The following CARNS1 variants were observed in gnomAD, a reference collection of about 807,000 sequenced individuals.
CARNS1 encodes the protein carnosine synthase 1, also known as ATP-grasp domain containing 1.
In CARNS1, 61 loss-of-function variants were observed where a neutral mutation model predicts 74.0. That is an observed-to-expected ratio of 0.82 (90% CI 0.67 to 1.02). The LOEUF (loss-of-function observed/expected upper bound fraction) is 1.02, where lower values mean the gene tolerates loss of function less well. Ranked by LOEUF, CARNS1 falls within the 50% of genes least tolerant of loss-of-function variation. CARNS1 has a pLI of 0.00. For missense variants in CARNS1, 1,278 were observed against 1,308.4 expected, an observed-to-expected ratio of 0.98 and a Z score of 0.36; for synonymous variants, 568 against 605.5, an observed-to-expected ratio of 0.94 and a Z score of 0.91.
intron 3 of CARNS1, 100 bp from the exon 4 acceptor site, chr11:67,418,331 G>A: frequency 2.5e-6 from 2 of 815,332 alleles, no homozygotes; most frequent in Non-Finnish European, 3.6e-6. Context: ...GGAAAACTCT[G>A]GGGGCTCAGG....
chr11:67,416,343 C>T (rs1863544558), intron 2 of CARNS1, 141 bp downstream of exon 2: 1 of 1,474,158 alleles, frequency 6.8e-7, no homozygotes, highest in Admixed American at 2.2e-5. Context: ...AGCTCCCCCA[C>T]CCCCACCCTG....
At chr11:67,421,419 G>A (rs1863702865) in intron 9 of CARNS1, among the ~76,000 whole-genome samples, 200 bp downstream of exon 9, 1 of 152,220 alleles carries the variant, frequency 6.6e-6, no homozygotes, top group African/African-American at 2.4e-5. Flanking sequence ...GTGAGGGTGA[G>A]GGGACTCCGC....
chr11:67,422,393 G>C (rs1276996278), intron 9 of CARNS1, among the ~76,000 whole-genome samples: 1 of 151,406 alleles, frequency 6.6e-6, no homozygotes, highest in Non-Finnish European at 1.5e-5. Context: ...ATGTTGGCCA[G>C]GCTGGTCTCG....
At position 67,419,036 on chromosome 11, in the gene CARNS1, G is replaced by A; in HGVS notation, c.645G>A (p.Leu215=). The A allele has an allele frequency of 1.9e-6, 3 of 1,557,636 alleles. No homozygotes were observed. Among genetic ancestry groups the A allele is most frequent in the Non-Finnish European group, 2.6e-6 (3 of 1,151,880 alleles). ...ELARLLEDRL[L]TRQLLAQQGG... is the part of the protein sequence containing the mutation. ...CCCGGCTGCTGGAGGACCGGCTGCT[G>A]ACAAGGCAGTTGCTGGCCCAGCAGG... is the stretch of plus-strand genomic sequence containing the variant. Residue 215 remains leucine (L), a synonymous_variant, in exon 5 of 10, where the codon CTG becomes CTA. Transcript: ENST00000687366.
At chr11:67,422,627 A>C (rs1438013978) in intron 9 of CARNS1, among the ~76,000 whole-genome samples, 1 of 152,178 alleles carries the variant, frequency 6.6e-6, no homozygotes, top group Non-Finnish European at 1.5e-5. Context: ...GCGCACAGCC[A>C]ATTAGACATT....
Position 67,421,189 on chromosome 11 carries a change from G to A in CARNS1, c.1596G>A (p.Val532=). ...VGAGGVSKKF[V]WEAARDYGLQ... The stretch of plus-strand genomic sequence containing the variant: ...CTGGCGGCGTCAGCAAGAAGTTCGT[G>A]TGGGAGGCGGCGCGCGACTACGGGC... Residue 532 remains valine (V), a synonymous_variant, in exon 9 of 10, where the codon GTG becomes GTA. Transcript: ENST00000687366. 2 of 1,494,734 alleles carry A rather than the reference G, an allele frequency of 1.3e-6. No individual in the cohort carries two copies. Among genetic ancestry groups the A allele is most frequent in the South Asian group, 2.5e-5 (2 of 80,132 alleles). 92.6% of individuals were successfully genotyped at this position (1,494,734 alleles called of 1,614,324 possible). A position where few individuals can be genotyped will look rare whatever the true frequency, so the allele number is the denominator to read the frequency against.
At chr11:67,417,748 C>A in intron 3 of CARNS1, 71 bp downstream of exon 3, 2 of 1,115,358 alleles carry the variant, frequency 1.8e-6, no homozygotes, top group South Asian at 4.2e-5. Flanking sequence ...TCTGCTTGCT[C>A]ATCCCTGTCA....
At position 67,421,132 on chromosome 11, in the gene CARNS1, C is replaced by G. The variant is rs1332851618; in HGVS notation, c.1539C>G (p.Leu513=). The G allele has an allele frequency of 2.0e-6, 3 of 1,484,050 alleles. No homozygotes were observed. The highest frequency in any genetic ancestry group is 8.9e-7 in the Non-Finnish European group (1 of 1,124,332). 91.9% of individuals were successfully genotyped at this position (1,484,050 alleles called of 1,614,324 possible). A position where few individuals can be genotyped will look rare whatever the true frequency, so the allele number is the denominator to read the frequency against. Reference sequence around the variant, plus strand: ...TGCTTCGGCGGTCGGCGCGCTGCCTCATGGAGGGAAAACAGCTGCTGGTGG... The same window carrying G: ...TGCTTCGGCGGTCGGCGCGCTGCCTGATGGAGGGAAAACAGCTGCTGGTGG... ...ETMLRRSARC[L]MEGKQLLVVG... Residue 513 remains leucine (L), a synonymous_variant, in exon 9 of 10, where the codon CTC becomes CTG. Coordinates refer to ENST00000687366, the MANE Select transcript of CARNS1 (RefSeq NM_001166222.2).
At chr11:67,420,880 G>A (rs1863677841) in intron 8 of CARNS1, 40 bp downstream of exon 8, 4 of 1,305,942 alleles carry the variant, frequency 3.1e-6, no homozygotes, top group Middle Eastern at 3.0e-4. Flanking sequence ...GGAGCCGAGG[G>A]CCAGGGGCTG....
chr11:67,422,186 T>G lies in CARNS1; in HGVS notation c.1626+967T>G, dbSNP rs1186814283. ...CGCGCCCGGCCTTTTTTTTTTTTTT[T>G]TTTTTTTTTTTTTTTAATACGGAGT... On this transcript the variant is annotated intron_variant, in intron 9 of 9. Transcript: ENST00000687366. Among the ~76,000 whole-genome samples the G allele has an allele frequency of 1.1e-3, 143 of 130,640 alleles. 1 individual carries two copies. The highest frequency in any genetic ancestry group is 4.1e-3 in the African/African-American group (137 of 33,632). 85.7% of individuals were successfully genotyped at this position (130,640 alleles called of 152,430 possible).
chr11:67,420,554 T>C, intron 7 of CARNS1, 55 bp from the exon 8 acceptor site: 1 of 1,106,092 alleles, frequency 9.0e-7, no homozygotes, highest in Non-Finnish European at 1.1e-6. Flanking sequence ...GCGGTGGGGG[T>C]GTGCGTGGGG....
intron 1 of CARNS1, 58 bp from the exon 2 acceptor site, chr11:67,416,118 G>C (rs1465504709): frequency 9.4e-7 from 1 of 1,059,134 alleles, no homozygotes. Context: ...GGAAGGCCAG[G>C]CAGGGACTTG....
Position 67,418,982 on chromosome 11 carries a change from C to T in CARNS1, c.591C>T (p.Thr197=), listed in dbSNP as rs756336914. 1.9e-6 allele frequency: 3 copies of T among 1,565,684 alleles called. No homozygotes were observed. Among genetic ancestry groups the T allele is most frequent in the Non-Finnish European group, 2.6e-6 (3 of 1,155,866 alleles). The stretch of plus-strand genomic sequence containing the variant: ...CAGCAGAACTCGCCCGTGACCTGAC[C>T]TGCCCCACAGGAGCTTCGGCTGAGC... ...REAAELARDL[T]CPTGASAELA... is the part of the protein sequence containing the mutation. The change falls in exon 5 of 10, where the codon ACC becomes ACT. Residue 197 remains threonine, a synonymous_variant. Transcript: ENST00000687366.
Position 67,421,123 on chromosome 11 carries a change from G to T in CARNS1, c.1530G>T (p.Ala510=), listed in dbSNP as rs12277001. 2.7e-6 allele frequency: 4 copies of T among 1,468,588 alleles called. No homozygotes were observed. Among genetic ancestry groups the T allele is most frequent in the Non-Finnish European group, 2.7e-6 (3 of 1,117,396 alleles). The allele number at this position is 1,468,588 out of a possible 1,614,324, so 91.0% of individuals were successfully genotyped here. ...TGGAGACCATGCTTCGGCGGTCGGC[G>T]CGCTGCCTCATGGAGGGAAAACAGC... ...PLVETMLRRS[A]RCLMEGKQLL... is the part of the protein sequence containing the mutation. Residue 510 remains alanine, a synonymous_variant, in exon 9 of 10, where the codon GCG becomes GCT. Transcript: ENST00000687366.
In CARNS1 at chr11:67,424,370, T is replaced by C. The variant is rs761131538; in HGVS notation, c.2622T>C (p.Ser874=). 3.1e-6 allele frequency: 5 copies of C among 1,599,050 alleles called. No homozygotes were observed. The African/African-American group carries it at 6.7e-5, about 21-fold the overall frequency. The change falls in exon 10 of 10, where the codon AGT becomes AGC. Residue 874 remains serine (S), a synonymous_variant. Transcript: ENST00000687366. ...CLVSQHLQAL[S]STASRETLQA... ...TGTCCCAGCACCTGCAGGCCCTGAG[T>C]TCCACCGCCAGCCGTGAGACCCTGC...
chr11:67,422,219 T>C (rs1863728888), intron 9 of CARNS1, among the ~76,000 whole-genome samples: 2 of 134,758 alleles, frequency 1.5e-5, no homozygotes, highest in African/African-American at 5.7e-5. Context: ...AGTCTCTCTC[T>C]GTCTCCCAGG....
Position 67,424,774 on chromosome 11 carries a change from C to A in CARNS1, c.*173C>A. The A allele has an allele frequency of 1.3e-6, 1 of 750,720 alleles. No homozygotes were observed. Among genetic ancestry groups the A allele is most frequent in the Non-Finnish European group, 2.1e-6 (1 of 470,816 alleles). The allele number at this position is 750,720 out of a possible 1,614,324, so 46.5% of individuals were successfully genotyped here. A position where few individuals can be genotyped will look rare whatever the true frequency, so the allele number is the denominator to read the frequency against. On this transcript the variant is annotated 3_prime_UTR_variant, in exon 10 of 10. Transcript: ENST00000687366. ...AGGGCAATTTAGACACCAAGGCATCCTGGACTCAAGGGCCTCTTGCCCTCC... is the reference window on the plus strand; with the variant it reads ...AGGGCAATTTAGACACCAAGGCATCATGGACTCAAGGGCCTCTTGCCCTCC...
chr11:67,425,377 C>T lies in CARNS1; in HGVS notation c.*776C>T, dbSNP rs1306150850. 3.4e-6 allele frequency: 1 copy of T among 291,100 alleles called. No individual in the cohort carries two copies. The highest frequency in any genetic ancestry group is 6.9e-6 in the Non-Finnish European group (1 of 145,178). The allele number at this position is 291,100 out of a possible 1,614,324, so 18.0% of individuals were successfully genotyped here. A position where few individuals can be genotyped will look rare whatever the true frequency, so the allele number is the denominator to read the frequency against. On this transcript the variant is annotated 3_prime_UTR_variant, in exon 10 of 10. Coordinates refer to ENST00000687366, the MANE Select transcript of CARNS1 (RefSeq NM_001166222.2). The stretch of plus-strand genomic sequence containing the variant: ...CCCCTCACCTCCCTGCCCTCATTCA[C>T]AAGTGGCCCTGAGACACGTGAACAC...
In CARNS1 at chr11:67,419,765, C is replaced by T; in HGVS notation, c.1040C>T (p.Pro347Leu). 6.2e-7 allele frequency: 1 copy of T among 1,603,874 alleles called. No individual in the cohort carries two copies. The highest frequency in any genetic ancestry group is 8.5e-7 in the Non-Finnish European group (1 of 1,175,712). ...CGTCTTCCCCCAGATGGTCCTTCAC[C>T]CGGCCCCGGCCTGGCCGTGCGAATC... is the stretch of plus-strand genomic sequence containing the variant. Reference protein sequence around the residue: ...AQLPCSDGPSPGPGLAVRICA... With the variant: ...AQLPCSDGPSLGPGLAVRICA... The change falls in exon 7 of 10, where the codon CCC becomes CTC. Residue 347 changes from proline to leucine, a missense_variant. By Grantham distance (98) the Pro-to-Leu change is moderately conservative (BLOSUM62 -3). Around this residue, in one of 3 missense-constraint regions of CARNS1, gnomAD observed 1,164 missense variants for 1,156.5 expected, o/e 1.01. Coordinates refer to ENST00000687366, the MANE Select transcript of CARNS1 (RefSeq NM_001166222.2).
Sources: gnomAD v4.1 joint callset for allele counts (sites outside exome capture counted in the v4.1 genomes callset) on GRCh38, gnomAD v4.1.1 for gene constraint, gnomAD v4.1.1 regional missense constraint, MANE v1.5 for transcripts, NCBI Gene and HGNC (gene_info 2026-07-23, HGNC 2026-07-21) for gene names.